The following KALRN variants were observed in gnomAD, a reference collection of about 807,000 sequenced individuals.
KALRN encodes the protein kalirin.
A neutral mutation model predicts 353.7 loss-of-function variants in KALRN; 70 were observed. The ratio of observed to expected loss-of-function variants is 0.20; its 90% CI spans 0.16 to 0.24. The LOEUF is 0.24. Ranked by LOEUF, KALRN falls within the 10% of genes least tolerant of loss-of-function variation. The pLI is 1.00. For synonymous variants in KALRN, 1,391 were observed against 1,434.8 expected (o/e 0.97, Z 0.69); for missense variants, 2,791 against 3,756.7 (o/e 0.74, Z 6.72).
At chr3:124,677,894 A>G (rs79348582) in intron 49 of KALRN, among the ~76,000 whole-genome samples, 1,927 of 152,318 alleles carry the variant, frequency 0.013, 39 homozygotes, top group African/African-American at 0.044. Flanking sequence ...CATCATGGGT[A>G]TGGTATACAA....
chr3:124,129,171 G>T (rs924933979), intron 1 of KALRN, among the ~76,000 whole-genome samples: 11 of 152,110 alleles, frequency 7.2e-5, no homozygotes, highest in Non-Finnish European at 1.3e-4. Context: ...AGGAAGGTCC[G>T]TCATACTCAG....
intron 57 of KALRN, among the ~76,000 whole-genome samples, chr3:124,708,064 A>G (rs2062723684): frequency 6.6e-6 from 1 of 152,248 alleles, no homozygotes; most frequent in Non-Finnish European, 1.5e-5. Flanking sequence ...AACTGAACTG[A>G]CAATAGAACC....
At chr3:124,711,769 AT>A in intron 57 of KALRN, among the ~76,000 whole-genome samples, 1 of 152,298 alleles carries the variant, frequency 6.6e-6, no homozygotes, top group South Asian at 2.1e-4. Flanking sequence ...TTATATCTGG[AT>A]TTGCTTAAAA....
chr3:124,334,208 C>T lies in KALRN; in HGVS notation c.1417-57C>T, dbSNP rs960901452. On this transcript the variant is annotated intron_variant, in intron 8 of 59. Transcript: ENST00000682506. This position sits in a 1 kb window ranked among gnomAD's most constrained non-coding sequence, Gnocchi z 4.2. ...CCTCAGGCAGACACTTCCTGCTTCT[C>T]TCTGTGCCCTGCCTATCACCCTTTT... 6.9e-7 allele frequency: 1 copy of T among 1,445,326 alleles called. No homozygotes were observed. The highest frequency in any genetic ancestry group is 1.4e-5 in the African/African-American group (1 of 71,876). The allele number at this position is 1,445,326 out of a possible 1,614,324, so 89.5% of individuals were successfully genotyped here.
chr3:124,531,264 T>A (rs1425417094), intron 33 of KALRN, among the ~76,000 whole-genome samples: 1 of 152,254 alleles, frequency 6.6e-6, no homozygotes, highest in African/African-American at 2.4e-5. Context: ...TCAGAATGAC[T>A]ACCTTAGCAG....
rs1045992049 is a variant in KALRN, at chr3:124,183,964, T to A, written c.74-44026T>A. On this transcript the variant is annotated intron_variant, in intron 1 of 59. Coordinates refer to ENST00000682506, the MANE Select transcript of KALRN (RefSeq NM_001388419.1). ...AAACAAATCAGAATGTAGTAATGAATGCCATAATCACCATACATATGGTGC... is the reference window on the plus strand; with the variant it reads ...AAACAAATCAGAATGTAGTAATGAAAGCCATAATCACCATACATATGGTGC... Among the ~76,000 whole-genome samples the A allele has an allele frequency of 3.3e-5, 5 of 152,172 alleles. No homozygotes were observed. The East Asian group carries it at 9.6e-4, about 29-fold the overall frequency.
intron 16 of KALRN, among the ~76,000 whole-genome samples, chr3:124,432,149 T>G (rs143858140): frequency 6.6e-5 from 10 of 152,178 alleles, no homozygotes; most frequent in East Asian, 1.9e-4. Flanking sequence ...GTGGTTCACA[T>G]GTGTAATCCC....
chr3:124,707,348 G>T (rs1339347472), intron 57 of KALRN, among the ~76,000 whole-genome samples: 1 of 151,994 alleles, frequency 6.6e-6, no homozygotes, highest in Non-Finnish European at 1.5e-5. Flanking sequence ...AGGAAAGAAA[G>T]TAAAGTAAAA....
chr3:124,091,342 G>A (rs1424688649), intron 1 of KALRN, among the ~76,000 whole-genome samples: 3 of 152,164 alleles, frequency 2.0e-5, no homozygotes, highest in Admixed American at 6.5e-5. Flanking sequence ...TTGCCAGATA[G>A]GTCCATGTGT....
intron 34 of KALRN, among the ~76,000 whole-genome samples, chr3:124,607,212 C>G (rs1243267694): frequency 6.6e-6 from 1 of 152,194 alleles, no homozygotes; most frequent in Non-Finnish European, 1.5e-5. Context: ...GGTATTCAGC[C>G]ATCTGAAACA....
At chr3:124,183,485 T>TC (rs1343265617) in intron 1 of KALRN, among the ~76,000 whole-genome samples, 1 of 152,036 alleles carries the variant, frequency 6.6e-6, no homozygotes, top group Non-Finnish European at 1.5e-5. Context: ...TGAAGGATCC[T>TC]CCCCCATGGC....
In KALRN at chr3:124,408,053, G is replaced by A. The variant is rs375226264; in HGVS notation, c.2347-5417G>A. Among the ~76,000 whole-genome samples the A allele has an allele frequency of 9.8e-5, 15 of 152,310 alleles. 1 individual carries two copies. In the South Asian group the frequency reaches 1.0e-3, roughly 11 times the overall value. ...CTCCCAAAGTGCTGGGATTACAGGC[G>A]TGAGCCACTGTGCCTGGCCAAAACT... On this transcript the variant is annotated intron_variant, in intron 13 of 59. Transcript: ENST00000682506.
intron 15 of KALRN, among the ~76,000 whole-genome samples, chr3:124,429,241 G>A (rs1186529757): frequency 1.3e-5 from 2 of 152,180 alleles, no homozygotes; most frequent in Non-Finnish European, 2.9e-5. Context: ...AATCCAAGTA[G>A]CCTAGCTTCA....
At chr3:124,666,364 C>T in intron 45 of KALRN, 85 bp from the exon 46 acceptor site, 2 of 1,264,752 alleles carry the variant, frequency 1.6e-6, no homozygotes, top group South Asian at 2.6e-5. Flanking sequence ...CCCGTATCCC[C>T]AGATGGGGAG....
At chr3:124,443,519 T>C (rs1353824859) in intron 19 of KALRN, among the ~76,000 whole-genome samples, 1 of 152,210 alleles carries the variant, frequency 6.6e-6, no homozygotes, top group Non-Finnish European at 1.5e-5. Context: ...CTTCCAAATG[T>C]GCTATTCTAT....
At chr3:124,342,518 C>G (rs1217235509) in intron 9 of KALRN, among the ~76,000 whole-genome samples, 1 of 152,140 alleles carries the variant, frequency 6.6e-6, no homozygotes, top group Non-Finnish European at 1.5e-5. Context: ...GAATAGTATT[C>G]CATTGTTGAT....
chr3:124,678,964 C>T (rs1460251123), intron 50 of KALRN, among the ~76,000 whole-genome samples: 1 of 122,730 alleles, frequency 8.1e-6, no homozygotes, highest in Non-Finnish European at 1.7e-5. Context: ...AAATTGGAAC[C>T]TCTGGAAAGA....
rs774150728 is a variant in KALRN, at chr3:124,724,510, C to T, written c.*5040C>T. On this transcript the variant is annotated 3_prime_UTR_variant, in exon 60 of 60. Coordinates refer to ENST00000682506, the MANE Select transcript of KALRN (RefSeq NM_001388419.1). ...ATGATTTGATGATGAATGATTAAAC[C>T]CATGGTGGGCTTAGAGACGACAGAG... The T allele has an allele frequency of 1.3e-5, 2 of 152,034 alleles. No individual in the cohort carries two copies. The highest frequency in any genetic ancestry group is 2.9e-5 in the Non-Finnish European group (2 of 68,006). The allele number at this position is 152,034 out of a possible 1,614,324, so 9.4% of individuals were successfully genotyped here. A position where few individuals can be genotyped will look rare whatever the true frequency, so the allele number is the denominator to read the frequency against.
At chr3:124,711,002 G>A (rs1291566414) in intron 57 of KALRN, among the ~76,000 whole-genome samples, 2 of 152,130 alleles carry the variant, frequency 1.3e-5, no homozygotes, top group Admixed American at 6.5e-5. Context: ...AGTAACTTAT[G>A]ATAATCAAAC....
Sources: allele counts gnomAD v4.1 joint callset (sites outside exome capture counted in the v4.1 genomes callset), GRCh38; gene constraint gnomAD v4.1.1; non-coding constraint Gnocchi (gnomAD v3.1); transcripts MANE v1.5; gene names NCBI Gene and HGNC (gene_info 2026-07-23, HGNC 2026-07-21).